Variants in GRAMD1C observed in about 807,000 individuals in gnomAD.
GRAMD1C encodes protein Aster-C.
In GRAMD1C, 89 loss-of-function variants were observed where a neutral mutation model predicts 97.8. The observed-to-expected ratio is 0.91, with a 90% CI of 0.77 to 1.09. The LOEUF (loss-of-function observed/expected upper bound fraction) is 1.09. Among genes scored for constraint, GRAMD1C ranks in the 50% least tolerant of loss-of-function variants. The pLI is 0.00. For synonymous variants in GRAMD1C, 256 were observed against 267.0 expected, an observed-to-expected ratio of 0.96 and a Z score of 0.40; for missense variants, 740 against 766.4, an observed-to-expected ratio of 0.97 and a Z score of 0.41.
intron 10 of GRAMD1C, among the ~76,000 whole-genome samples, chr3:113,925,051 T>C (rs759502635): frequency 2.0e-5 from 3 of 152,216 alleles, no homozygotes; most frequent in African/African-American, 4.8e-5. Flanking sequence ...TAAATCATTG[T>C]TGGTTTAAGG....
chr3:113,833,130 T>TGTGTGTG (rs1559769419), intron 1 of GRAMD1C, among the ~76,000 whole-genome samples: 1 of 149,338 alleles, frequency 6.7e-6, no homozygotes, highest in Admixed American at 6.7e-5. Context: ...CTTTTTTTTT[T>TGTGTGTG]TTTTTGTGTG....
At chr3:113,872,326 T>C (rs1203872884) in intron 3 of GRAMD1C, among the ~76,000 whole-genome samples, 1 of 151,926 alleles carries the variant, frequency 6.6e-6, no homozygotes, top group African/African-American at 2.4e-5. Context: ...TTGTTTTGAA[T>C]CTTGCTTAGA....
At chr3:113,872,875 C>T (rs1485783464) in intron 3 of GRAMD1C, among the ~76,000 whole-genome samples, 2 of 145,952 alleles carry the variant, frequency 1.4e-5, no homozygotes, top group African/African-American at 5.1e-5. Flanking sequence ...AGTTCAAGAC[C>T]AGCCTGGGCA....
intron 10 of GRAMD1C, among the ~76,000 whole-genome samples, chr3:113,924,215 A>G (rs567524214): frequency 6.1e-4 from 93 of 151,668 alleles, no homozygotes; most frequent in African/African-American, 2.1e-3. Context: ...TTATTCTTCA[A>G]AGAGCCAACT....
chr3:113,944,473 G>T (rs954623390), intron 17 of GRAMD1C, among the ~76,000 whole-genome samples: 3 of 152,164 alleles, frequency 2.0e-5, no homozygotes, highest in Non-Finnish European at 4.4e-5. Flanking sequence ...TGCCTACTTG[G>T]CATCTTCACC....
chr3:113,850,466 C>T, intron 2 of GRAMD1C: 3 of 1,457,972 alleles, frequency 2.1e-6, no homozygotes, highest in Non-Finnish European at 1.9e-6. Flanking sequence ...GGTGGCAGCA[C>T]AGTCTCCGGG....
intron 6 of GRAMD1C, chr3:113,885,535 G>A: frequency 2.5e-6 from 4 of 1,605,044 alleles, no homozygotes; most frequent in Non-Finnish European, 3.4e-6. Flanking sequence ...CCATGATGGG[G>A]TCCTGAGGCC....
intron 1 of GRAMD1C, among the ~76,000 whole-genome samples, chr3:113,841,368 C>T (rs921302535): frequency 6.7e-6 from 1 of 150,020 alleles, no homozygotes; most frequent in Non-Finnish European, 1.5e-5. Flanking sequence ...TCACCGCAAC[C>T]TCCACCTCCC....
chr3:113,857,176 CA>C (rs71297435), intron 2 of GRAMD1C, among the ~76,000 whole-genome samples: 2 of 151,546 alleles, frequency 1.3e-5, no homozygotes, highest in African/African-American at 2.4e-5. Flanking sequence ...AACAAACAAA[CA>C]AAAAAATAAA....
intron 2 of GRAMD1C, among the ~76,000 whole-genome samples, chr3:113,858,652 C>T (rs1934249147): frequency 6.6e-6 from 1 of 152,124 alleles, no homozygotes; most frequent in African/African-American, 2.4e-5. Flanking sequence ...CCTTGTCTTC[C>T]CAAAGTGCTG....
intron 10 of GRAMD1C, among the ~76,000 whole-genome samples, chr3:113,917,246 A>G (rs1936845645): frequency 6.6e-6 from 1 of 152,258 alleles, no homozygotes; most frequent in African/African-American, 2.4e-5. Flanking sequence ...ACATAAAATT[A>G]GAATGCAGCA....
At chr3:113,839,540 A>G (rs1436049108) in intron 1 of GRAMD1C, among the ~76,000 whole-genome samples, 2 of 152,218 alleles carry the variant, frequency 1.3e-5, no homozygotes, top group Non-Finnish European at 2.9e-5. Flanking sequence ...TCAGTGCTAT[A>G]TCTTCTGAAG....
upstream of GRAMD1C, chr3:113,838,487 G>T (rs187279156): frequency 6.2e-6 from 1 of 161,550 alleles, no homozygotes; most frequent in Non-Finnish European, 1.3e-5. Flanking sequence ...CAGGAGAATC[G>T]CTTGAACTGG....
chr3:113,877,048 A>G (rs1278893487), intron 5 of GRAMD1C, among the ~76,000 whole-genome samples: 1 of 152,070 alleles, frequency 6.6e-6, no homozygotes, highest in Non-Finnish European at 1.5e-5. Flanking sequence ...GGGTCTTGCC[A>G]TGTTGCACAG....
At chr3:113,844,768 A>G (rs1229605277) in intron 2 of GRAMD1C, 119 bp downstream of exon 2, 3 of 676,934 alleles carry the variant, frequency 4.4e-6, no homozygotes, top group South Asian at 2.1e-5. Context: ...AGATGTTTCA[A>G]TTTTAGTCCA....
chr3:113,940,064 TAATTTC>T, intron 16 of GRAMD1C, 68 bp downstream of exon 16: 4 of 975,640 alleles, frequency 4.1e-6, no homozygotes, highest in Non-Finnish European at 6.6e-6. Context: ...GCAGAAAACT[TAATTTC>T]AGTTTCAGAG....
At chr3:113,915,579 A>T in intron 9 of GRAMD1C, 122 bp from the exon 10 acceptor site, 1 of 667,988 alleles carries the variant, frequency 1.5e-6, no homozygotes, top group Non-Finnish European at 2.5e-6. Context: ...CCTCATTGTA[A>T]TCATATTTAA....
At chr3:113,875,642 C>A in intron 4 of GRAMD1C, 55 bp downstream of exon 4, 1 of 795,654 alleles carries the variant, frequency 1.3e-6, no homozygotes, top group Non-Finnish European at 2.2e-6. Flanking sequence ...GAGATATATA[C>A]AGTTCTTCCA....
chr3:113,889,337 T>G (rs1028440687), intron 6 of GRAMD1C, among the ~76,000 whole-genome samples: 2 of 152,180 alleles, frequency 1.3e-5, no homozygotes, highest in East Asian at 3.8e-4. Flanking sequence ...GAACACATCC[T>G]GTAGGATTCT....
Sources: gnomAD v4.1 joint callset for allele counts (sites outside exome capture counted in the v4.1 genomes callset) on GRCh38, gnomAD v4.1.1 for gene constraint, MANE v1.5 for transcripts, NCBI Gene and HGNC (gene_info 2026-07-23, HGNC 2026-07-21) for gene names.